The following CYP2D6 variants were observed in gnomAD, a reference collection of about 807,000 sequenced individuals.
CYP2D6 encodes cytochrome P450 family 2 subfamily D member 6 (gene/pseudogene).
Under a neutral mutation model 43.5 loss-of-function variants are expected in CYP2D6, and 51 were observed. The observed-to-expected ratio is 1.17, with a 90% CI of 0.94 to 1.48. CYP2D6 has a LOEUF of 1.48. CYP2D6 is among the 40% of genes most tolerant of loss of function. The pLI, the probability that CYP2D6 is intolerant of heterozygous loss-of-function variation, is 0.00. For missense variants in CYP2D6, 698 were observed against 688.0 expected (o/e 1.01, Z -0.16); for synonymous variants, 346 against 297.1 (o/e 1.16, Z -1.69).
intron 2 of CYP2D6, among the ~76,000 whole-genome samples, 155 bp downstream of exon 2, chr22:42,129,583 A>T (rs1037879414): frequency 6.6e-6 from 1 of 150,566 alleles, no homozygotes; most frequent in Non-Finnish European, 1.5e-5. Context: ...CCCCATGCTC[A>T]CACCTCCCTA....
chr22:42,129,619 T>C (rs1931690552), intron 2 of CYP2D6, 119 bp downstream of exon 2: 1 of 1,370,758 alleles, frequency 7.3e-7, no homozygotes, highest in Non-Finnish European at 1.0e-6. Context: ...TGGCCCGCTG[T>C]CCCCACTCGC....
chr22:42,129,435 G>T, intron 2 of CYP2D6: 1 of 756,302 alleles, frequency 1.3e-6, no homozygotes, highest in Non-Finnish European at 2.3e-6. Context: ...CACCCACACT[G>T]AGCTTACAGC....
At chr22:42,129,700 T>C in intron 2 of CYP2D6, 38 bp downstream of exon 2, 1 of 1,607,140 alleles carries the variant, frequency 6.2e-7, no homozygotes, top group Non-Finnish European at 8.5e-7. Context: ...CCCACCCGGG[T>C]CCCACGGAAA....
chr22:42,129,598 A>C, intron 2 of CYP2D6, 140 bp downstream of exon 2: 2 of 1,130,526 alleles, frequency 1.8e-6, no homozygotes, highest in Non-Finnish European at 2.6e-6. Flanking sequence ...TCCCTAGTGC[A>C]GGTGGTTTCT....
intron 2 of CYP2D6, 83 bp downstream of exon 2, chr22:42,129,655 G>A (rs1240257572): frequency 1.0e-5 from 16 of 1,561,920 alleles, no homozygotes; most frequent in Admixed American, 5.0e-5. Flanking sequence ...CCACGACCCC[G>A]CGCCCTCTCT....
At chr22:42,127,156 G>T (rs530299539) in intron 7 of CYP2D6, among the ~76,000 whole-genome samples, 164 bp from the exon 8 acceptor site, 3 of 150,914 alleles carry the variant, frequency 2.0e-5, no homozygotes, top group African/African-American at 7.4e-5. Context: ...CCCACAGCAG[G>T]GCGCAGTCAC....
chr22:42,127,720 T>C (rs1027164548), intron 6 of CYP2D6, 86 bp from the exon 7 acceptor site: 2 of 1,570,626 alleles, frequency 1.3e-6, no homozygotes, highest in Non-Finnish European at 1.8e-6. Context: ...TTGGAGGAGG[T>C]CAGGCTTACA....
chr22:42,127,913 G>A lies in CYP2D6; in HGVS notation c.914C>T (p.Ala305Val), dbSNP rs967434863. The change falls in exon 6 of 9, where the codon GCC (alanine) becomes GTC (valine). Residue 305 changes from alanine to valine, a missense_variant. By Grantham distance (64) the Ala-to-Val change is moderately conservative. Around this residue, in one of 5 missense-constraint regions of CYP2D6, gnomAD observed 588 missense variants for 521.1 expected, o/e 1.13. Coordinates refer to ENST00000645361, the MANE Select transcript of CYP2D6 (RefSeq NM_000106.6). ...CGTGGTCGAGGTGGTCACCATCCCG[G>A]CAGAGAACAGGTCAGCCACCACTAT... Reference protein sequence around the residue: ...LRIVVADLFSAGMVTTSTTLA... With the variant: ...LRIVVADLFSVGMVTTSTTLA... 2 of 1,610,820 alleles carry A rather than the reference G, an allele frequency of 1.2e-6. No individual in the cohort carries two copies. Among genetic ancestry groups the A allele is most frequent in the African/African-American group, 1.3e-5 (1 of 74,310 alleles).
In CYP2D6 at chr22:42,127,506, G is replaced by A; in HGVS notation, c.1114C>T (p.Leu372=). The A allele has an allele frequency of 1.2e-6, 2 of 1,611,624 alleles. No individual in the cohort carries two copies. Among genetic ancestry groups the A allele is most frequent in the Non-Finnish European group, 1.7e-6 (2 of 1,178,284 alleles). Reference sequence around the variant, plus strand: ...CGGGATGTCATATGGGTCACACCCAGGGGGACGATGTCCCCAAAGCGCTGC... The same window carrying A: ...CGGGATGTCATATGGGTCACACCCAAGGGGACGATGTCCCCAAAGCGCTGC... ...EVQRFGDIVP[L]GVTHMTSRDI... is the part of the protein sequence containing the mutation. Residue 372 remains leucine (L), a synonymous_variant, in exon 7 of 9, where the codon CTG becomes TTG. Transcript: ENST00000645361.
chr22:42,129,505 C>A, intron 2 of CYP2D6: 4 of 726,630 alleles, frequency 5.5e-6, no homozygotes, highest in South Asian at 1.6e-5. Context: ...ATGCGCCAGC[C>A]TCACCCATTG....
At chr22:42,128,556 G>T (rs948701736) in intron 4 of CYP2D6, among the ~76,000 whole-genome samples, 1 of 150,896 alleles carries the variant, frequency 6.6e-6, no homozygotes, top group Non-Finnish European at 1.5e-5. Context: ...GTGGATAGGA[G>T]GTACAGAGTC....
rs1931530850 is a variant in CYP2D6 at position 42,129,032 on chromosome 22, C to G, written c.505+1G>C. ...TTTGTGCCCTTCTGCCCATCACCCA[C>G]CGGAGTGGTTGGCGAAGGCGGCACA... On this transcript the variant is annotated splice_donor_variant, in intron 3 of 8. Coordinates refer to ENST00000645361, the MANE Select transcript of CYP2D6 (RefSeq NM_000106.6). LOFTEE classifies it high-confidence loss of function. 1.2e-6 allele frequency: 2 copies of G among 1,606,206 alleles called. No homozygotes were observed. The highest frequency in any genetic ancestry group is 1.1e-5 in the South Asian group (1 of 89,890).
At chr22:42,129,437 G>T in intron 2 of CYP2D6, 1 of 754,808 alleles carries the variant, frequency 1.3e-6, no homozygotes, top group Non-Finnish European at 2.3e-6. Flanking sequence ...CCCACACTGA[G>T]CTTACAGCAC....
chr22:42,129,082 C>A lies in CYP2D6; in HGVS notation c.456G>T (p.Trp152Cys), dbSNP rs781202869. The change falls in exon 3 of 9, where the codon TGG (tryptophan) becomes TGT (cysteine). Residue 152 changes from tryptophan to cysteine, a missense_variant. By Grantham distance (215) the Trp-to-Cys change is radical (BLOSUM62 -2). Transcript: ENST00000645361. ...AAAGGCAGGCGGCCTCCTCGGTCAC[C>A]CACTGCTCCAGCGACTTCTTGCCCA... The part of the protein sequence containing the change: ...LGLGKKSLEQ[W>C]VTEEAACLCA... 1.2e-6 allele frequency: 2 copies of A among 1,609,746 alleles called. No homozygotes were observed. Among genetic ancestry groups the A allele is most frequent in the Non-Finnish European group, 1.7e-6 (2 of 1,177,680 alleles).
Position 42,126,657 on chromosome 22 carries a change from C to A in CYP2D6, c.1411G>T (p.Gly471Ter). 6.2e-7 allele frequency: 1 copy of A among 1,607,912 alleles called. No individual in the cohort carries two copies. Among genetic ancestry groups the A allele is most frequent in the East Asian group, 2.2e-5 (1 of 44,618 alleles). The change falls in exon 9 of 9, where the codon GGA (glycine) becomes TGA (stop). Residue 471 changes from glycine (G) to a stop codon, truncating the protein, a stop_gained. Coordinates refer to ENST00000645361, the MANE Select transcript of CYP2D6 (RefSeq NM_000106.6). LOFTEE classifies it low-confidence loss of function (END_TRUNC). Reference sequence around the variant, plus strand: ...CCATGGTGGCTGGGCCGGGGCTGTCCAGTGGGCACCGAGAAGCTGAAGTGC... The same window carrying A: ...CCATGGTGGCTGGGCCGGGGCTGTCAAGTGGGCACCGAGAAGCTGAAGTGC... ...LQHFSFSVPTGQPRPSHHGVF... is the reference protein window; with the variant it reads ...LQHFSFSVPT
In CYP2D6 at chr22:42,129,793, G is replaced by C. The variant is rs200269944; in HGVS notation, c.297C>G (p.Ala99=). The C allele has an allele frequency of 1.1e-5, 17 of 1,607,424 alleles. 1 individual carries two copies. In the African/African-American group the frequency reaches 2.3e-4, roughly 22 times the overall value. The part of the protein sequence containing the change: ...EALVTHGEDT[A]DRPPVPITQI... ...GGGTGATGGGCACAGGCGGGCGGTC[G>C]GCGGTGTCCTCGCCGTGGGTCACCA... Residue 99 remains alanine (A), a synonymous_variant, in exon 2 of 9, where the codon GCC becomes GCG. Coordinates refer to ENST00000645361, the MANE Select transcript of CYP2D6 (RefSeq NM_000106.6).
In CYP2D6 at chr22:42,129,689, A is replaced by G. The variant is rs932123190; in HGVS notation, c.352+49T>C. ...CTGCCCAGCTCGGACTACGGTCATC[A>G]CCCACCCGGGTCCCACGGAAATCTG... On this transcript the variant is annotated intron_variant, in intron 2 of 8. Transcript: ENST00000645361. The G allele has an allele frequency of 1.2e-6, 2 of 1,602,760 alleles. 1 individual carries two copies. The highest frequency in any genetic ancestry group is 1.7e-6 in the Non-Finnish European group (2 of 1,174,308).
chr22:42,128,415 G>A lies in CYP2D6; in HGVS notation c.667-65C>T, dbSNP rs1390115219. On this transcript the variant is annotated intron_variant, in intron 4 of 8. Transcript: ENST00000645361. ...CTGCGTTCACCTGGACAAGTCTCAG[G>A]CCCCAGCCATCTCCAGGTAGACCCA... The A allele has an allele frequency of 1.1e-5, 17 of 1,569,990 alleles. 1 individual carries two copies. The highest frequency in any genetic ancestry group is 2.7e-5 in the African/African-American group (2 of 72,970).
Position 42,129,675 on chromosome 22 carries a change from G to C in CYP2D6, c.352+63C>G, listed in dbSNP as rs77449786. 3.7e-5 allele frequency: 59 copies of C among 1,595,292 alleles called. 1 individual carries two copies. In the South Asian group the frequency reaches 6.3e-4, roughly 17 times the overall value. On this transcript the variant is annotated intron_variant, in intron 2 of 8. Transcript: ENST00000645361. ...ACCCCGCGCCCTCTCTGCCCAGCTCGGACTACGGTCATCACCCACCCGGGT... is the reference window on the plus strand; with the variant it reads ...ACCCCGCGCCCTCTCTGCCCAGCTCCGACTACGGTCATCACCCACCCGGGT...
Sources: allele counts gnomAD v4.1 joint callset (sites outside exome capture counted in the v4.1 genomes callset), GRCh38; gene constraint gnomAD v4.1.1; regional missense constraint gnomAD v4.1.1; transcripts MANE v1.5; gene names NCBI Gene and HGNC (gene_info 2026-07-23, HGNC 2026-07-21).